CNTNAP2: variants seen among roughly 807,000 people sequenced by gnomAD.
CNTNAP2 encodes contactin associated protein 2, also known as contactin-associated protein-like 2.
A neutral mutation model predicts 155.2 loss-of-function variants in CNTNAP2; 98 were observed. The ratio of observed to expected loss-of-function variants is 0.63; its 90% CI spans 0.54 to 0.75. CNTNAP2 has a LOEUF of 0.75. Ranked by LOEUF, CNTNAP2 falls within the 30% of genes least tolerant of loss-of-function variation. The pLI is 0.00. For synonymous variants in CNTNAP2, 651 were observed against 631.2 expected (o/e 1.03, Z -0.47); for missense variants, 1,727 against 1,688.1 (o/e 1.02, Z -0.40).
intron 3 of CNTNAP2, among the ~76,000 whole-genome samples, chr7:146,844,169 T>G (rs369015373): frequency 6.6e-6 from 1 of 152,128 alleles, no homozygotes; most frequent in East Asian, 1.9e-4. Context: ...AAGCAAATTA[T>G]GACAGTTTCA....
At chr7:146,820,670 TG>T (rs1803262678) in intron 2 of CNTNAP2, among the ~76,000 whole-genome samples, 1 of 152,162 alleles carries the variant, frequency 6.6e-6, no homozygotes, top group South Asian at 2.1e-4. Context: ...GTTCTGTAGA[TG>T]TCTATTAGGT....
chr7:146,743,967 A>G (rs1001476091), intron 1 of CNTNAP2, among the ~76,000 whole-genome samples: 3 of 152,120 alleles, frequency 2.0e-5, no homozygotes, highest in African/African-American at 7.2e-5. Context: ...TCATGCCTGT[A>G]ATGGCTCCCA....
intron 10 of CNTNAP2, among the ~76,000 whole-genome samples, chr7:147,406,727 C>T (rs1209621553): frequency 4.6e-5 from 7 of 152,134 alleles, no homozygotes; most frequent in Non-Finnish European, 8.8e-5. Context: ...GAAAGGAATG[C>T]AGATGGAAGG....
chr7:148,274,038 A>G (rs908854185), intron 21 of CNTNAP2, among the ~76,000 whole-genome samples: 10 of 152,120 alleles, frequency 6.6e-5, no homozygotes, highest in Admixed American at 4.6e-4. Context: ...CTCACAGAAT[A>G]TTTCTGGCCA....
intron 8 of CNTNAP2, among the ~76,000 whole-genome samples, chr7:147,137,696 T>C (rs1801512202): frequency 6.6e-6 from 1 of 151,914 alleles, no homozygotes; most frequent in Non-Finnish European, 1.5e-5. Flanking sequence ...AAATGGAGCA[T>C]TTTATAATCA....
At chr7:148,390,101 C>T (rs1188279103) in intron 22 of CNTNAP2, among the ~76,000 whole-genome samples, 1 of 152,042 alleles carries the variant, frequency 6.6e-6, no homozygotes. Context: ...AAATACTGCC[C>T]AAAACATGGT....
intron 10 of CNTNAP2, among the ~76,000 whole-genome samples, chr7:147,433,527 T>C (rs541634018): frequency 8.5e-5 from 13 of 152,144 alleles, no homozygotes; most frequent in Non-Finnish European, 1.8e-4. Flanking sequence ...TGTAAATCAA[T>C]AAAAAAGAGA....
intron 1 of CNTNAP2, among the ~76,000 whole-genome samples, chr7:146,703,728 A>G (rs979861505): frequency 2.6e-5 from 4 of 152,074 alleles, no homozygotes; most frequent in Non-Finnish European, 2.9e-5. Flanking sequence ...AATCCCATTC[A>G]TGAAGGTTCC....
chr7:148,185,036 A>C (rs1795094418), intron 18 of CNTNAP2, among the ~76,000 whole-genome samples: 1 of 152,244 alleles, frequency 6.6e-6, no homozygotes, highest in Admixed American at 6.5e-5. Context: ...GAAATCCTAG[A>C]CAGAACTTTT....
chr7:147,589,726 T>C (rs548355448), intron 12 of CNTNAP2, among the ~76,000 whole-genome samples: 3 of 152,320 alleles, frequency 2.0e-5, no homozygotes, highest in South Asian at 2.1e-4. Context: ...GTTTTTTCCA[T>C]TGTGAACAGT....
At chr7:147,315,464 T>C (rs1026015466) in intron 9 of CNTNAP2, among the ~76,000 whole-genome samples, 1 of 145,702 alleles carries the variant, frequency 6.9e-6, no homozygotes, top group Non-Finnish European at 1.5e-5. Context: ...CTCTATGGAT[T>C]TGTTTATTCT....
At chr7:146,575,823 C>T (rs912666988) in intron 1 of CNTNAP2, among the ~76,000 whole-genome samples, 14 of 152,292 alleles carry the variant, frequency 9.2e-5, no homozygotes, top group African/African-American at 3.4e-4. Flanking sequence ...TTTTGGCAAT[C>T]TGTTTTGGGC....
chr7:147,885,828 A>G lies in CNTNAP2; in HGVS notation c.2099-17737A>G, dbSNP rs184110427. Among the ~76,000 whole-genome samples the G allele has an allele frequency of 3.9e-5, 6 of 152,214 alleles. No individual in the cohort carries two copies. In the East Asian group the frequency reaches 7.7e-4, roughly 20 times the overall value. Reference sequence around the variant, plus strand: ...AGTACAGAATCAGTGTCCAGGTGGAACTCCCAGTCTGTAGGGAAGATGAGC... The same window carrying G: ...AGTACAGAATCAGTGTCCAGGTGGAGCTCCCAGTCTGTAGGGAAGATGAGC... On this transcript the variant is annotated intron_variant, in intron 13 of 23. Transcript: ENST00000361727.
rs549075116 is a variant in CNTNAP2 at position 146,245,635 on chromosome 7, T to C, written c.97+128662T>C. On this transcript the variant is annotated intron_variant, in intron 1 of 23. Coordinates refer to ENST00000361727, the MANE Select transcript of CNTNAP2 (RefSeq NM_014141.6). ...AAGGGATTGAGGTTTGGGAGATTAA[T>C]CGGATACGATCAGCAAGGAAAGCAC... 2.2e-3 allele frequency among the ~76,000 whole-genome samples: 338 copies of C among 152,134 alleles called. 3 individuals are homozygous for C. Among genetic ancestry groups the C allele is most frequent in the African/African-American group, 7.8e-3 (325 of 41,426 alleles).
intron 21 of CNTNAP2, among the ~76,000 whole-genome samples, chr7:148,325,358 T>C (rs1797868499): frequency 6.8e-6 from 1 of 148,072 alleles, no homozygotes; most frequent in Non-Finnish European, 1.5e-5. Context: ...AGCATAGATT[T>C]AATCTGAGAT....
At chr7:146,341,733 A>T (rs903707566) in intron 1 of CNTNAP2, among the ~76,000 whole-genome samples, 2 of 152,154 alleles carry the variant, frequency 1.3e-5, no homozygotes, top group Admixed American at 6.5e-5. Flanking sequence ...AAACAAAAAA[A>T]ACCCCTGAAA....
chr7:147,752,922 G>C (rs1797159936), intron 13 of CNTNAP2, among the ~76,000 whole-genome samples: 1 of 152,196 alleles, frequency 6.6e-6, no homozygotes, highest in Admixed American at 6.5e-5. Context: ...AATTTCTGTA[G>C]AGCAGAATTC....
At position 146,366,554 on chromosome 7, in the gene CNTNAP2, T is replaced by C. The variant is rs766862171; in HGVS notation, c.97+249581T>C. On this transcript the variant is annotated intron_variant, in intron 1 of 23. Transcript: ENST00000361727. ...AAAAATCCTGCACAAAAAGTATTTTTGAAATCAGATGATGGGCCCAAGAAG... is the reference window on the plus strand; with the variant it reads ...AAAAATCCTGCACAAAAAGTATTTTCGAAATCAGATGATGGGCCCAAGAAG... 3.4e-4 allele frequency among the ~76,000 whole-genome samples: 51 copies of C among 152,148 alleles called. 1 individual carries two copies. The highest frequency in any genetic ancestry group is 6.5e-5 in the Admixed American group (1 of 15,270).
intron 4 of CNTNAP2, among the ~76,000 whole-genome samples, chr7:147,045,617 A>G (rs1563056112): frequency 6.6e-6 from 1 of 152,174 alleles, no homozygotes; most frequent in East Asian, 1.9e-4. Flanking sequence ...GTAAGGCCCA[A>G]AAAGAGGTCT....
Sources: allele counts gnomAD v4.1 joint callset (sites outside exome capture counted in the v4.1 genomes callset), GRCh38; gene constraint gnomAD v4.1.1; transcripts MANE v1.5; gene names NCBI Gene and HGNC (gene_info 2026-07-23, HGNC 2026-07-21).